Variants in PTPN11 observed in about 807,000 individuals in gnomAD.
PTPN11 encodes the protein protein tyrosine phosphatase non-receptor type 11, also known as tyrosine-protein phosphatase non-receptor type 11.
A neutral mutation model predicts 78.8 loss-of-function variants in PTPN11; 6 were observed. That is an observed-to-expected ratio of 0.08 (90% CI 0.04 to 0.15). PTPN11 has a LOEUF of 0.15. Among genes scored for constraint, PTPN11 ranks in the 10% least tolerant of loss-of-function variants. The pLI is 1.00. For synonymous variants in PTPN11, 221 were observed against 263.5 expected (o/e 0.84, Z 1.56); for missense variants, 386 against 744.8 (o/e 0.52, Z 5.61).
intron 13 of PTPN11, 129 bp downstream of exon 13, chr12:112,489,304 C>T (rs2135916993): frequency 1.8e-6 from 2 of 1,108,332 alleles, no homozygotes; most frequent in Non-Finnish European, 2.7e-6. Context: ...AACAAACTCC[C>T]AACTAAAAGG....
At chr12:112,426,352 A>G (rs990988153) in intron 1 of PTPN11, among the ~76,000 whole-genome samples, 2 of 151,622 alleles carry the variant, frequency 1.3e-5, no homozygotes, top group East Asian at 3.9e-4. Flanking sequence ...TGCCCCCTTG[A>G]TTCACGCGAT....
At chr12:112,446,428 A>G (rs1371230847) in intron 2 of PTPN11, 30 bp downstream of exon 2, 1 of 1,613,916 alleles carries the variant, frequency 6.2e-7, no homozygotes, top group Admixed American at 1.7e-5. Context: ...GAGGATCCTG[A>G]GAGTGTTTTC....
intron 6 of PTPN11, among the ~76,000 whole-genome samples, chr12:112,470,197 G>A (rs2038393661): frequency 6.6e-6 from 1 of 152,200 alleles, no homozygotes; most frequent in Admixed American, 6.5e-5. Context: ...GGTAGGACCT[G>A]GGGCTGGGAT....
chr12:112,452,312 C>T (rs555630072), intron 3 of PTPN11, among the ~76,000 whole-genome samples: 53 of 152,088 alleles, frequency 3.5e-4, no homozygotes, highest in South Asian at 1.5e-3. Flanking sequence ...CTGCAACCTC[C>T]GCCTCCCAGG....
intron 1 of PTPN11, among the ~76,000 whole-genome samples, chr12:112,425,127 T>G (rs2037596565): frequency 6.6e-6 from 1 of 151,914 alleles, no homozygotes; most frequent in Admixed American, 6.6e-5. Context: ...TGCTGGAGAT[T>G]ACAGACGTGA....
intron 1 of PTPN11, among the ~76,000 whole-genome samples, chr12:112,426,928 C>T (rs994181735): frequency 6.6e-6 from 1 of 152,160 alleles, no homozygotes; most frequent in Non-Finnish European, 1.5e-5. Context: ...TGAGCCACTG[C>T]ACCTGGCCAG....
chr12:112,444,830 T>C (rs1055629041), intron 1 of PTPN11, among the ~76,000 whole-genome samples: 8 of 152,206 alleles, frequency 5.3e-5, no homozygotes, highest in Non-Finnish European at 8.8e-5. Flanking sequence ...TAGCTCCTTG[T>C]TGGAACTCTT....
Position 112,472,924 on chromosome 12 carries a change from T to A in PTPN11, c.757-20T>A. On this transcript the variant is annotated intron_variant, in intron 6 of 15. Transcript: ENST00000351677. ...GTGACTCTTTGACACGTAATAATAT[T>A]GACTTTTCTTTCTTTCCAGACACTA... is the stretch of plus-strand genomic sequence containing the variant. 1 of 1,566,524 alleles carries A rather than the reference T, an allele frequency of 6.4e-7. No homozygotes were observed. The highest frequency in any genetic ancestry group is 8.8e-7 in the Non-Finnish European group (1 of 1,137,170).
intron 6 of PTPN11, among the ~76,000 whole-genome samples, chr12:112,468,570 CG>C (rs2038365465): frequency 6.6e-6 from 1 of 152,134 alleles, no homozygotes; most frequent in South Asian, 2.1e-4. Flanking sequence ...GGGAAGGAGC[CG>C]GGGGAGAGAT....
intron 3 of PTPN11, among the ~76,000 whole-genome samples, chr12:112,452,641 C>T (rs2038095339): frequency 6.6e-6 from 1 of 152,166 alleles, no homozygotes; most frequent in African/African-American, 2.4e-5. Flanking sequence ...GATCCTCCTG[C>T]CTCGGCCTTG....
At chr12:112,455,557 G>GCAA (rs1271478042) in intron 5 of PTPN11, among the ~76,000 whole-genome samples, 1 of 152,080 alleles carries the variant, frequency 6.6e-6, no homozygotes, top group African/African-American at 2.4e-5. Context: ...GAGTTTTAAA[G>GCAA]CAAGTTTTCA....
intron 1 of PTPN11, among the ~76,000 whole-genome samples, chr12:112,428,049 C>A (rs2037650439): frequency 6.6e-6 from 1 of 152,172 alleles, no homozygotes; most frequent in Admixed American, 6.5e-5. Context: ...CTGTGCCTAG[C>A]CCATCAGTGT....
chr12:112,450,701 A>G (rs765806729), intron 3 of PTPN11, among the ~76,000 whole-genome samples, 189 bp downstream of exon 3: 11 of 152,196 alleles, frequency 7.2e-5, no homozygotes, highest in Non-Finnish European at 1.2e-4. Flanking sequence ...TTTTTCCTGC[A>G]AAAGTTTTAA....
At chr12:112,442,872 ATAT>A (rs2037926788) in intron 1 of PTPN11, among the ~76,000 whole-genome samples, 1 of 80,606 alleles carries the variant, frequency 1.2e-5, no homozygotes, top group African/African-American at 6.1e-5. Context: ...ATATATATAT[ATAT>A]ATAAATTATA....
intron 1 of PTPN11, among the ~76,000 whole-genome samples, chr12:112,439,885 A>G (rs186189475): frequency 1.1e-4 from 17 of 151,594 alleles, no homozygotes; most frequent in African/African-American, 3.4e-4. Context: ...TAGTTTTTCC[A>G]TTTTTTTCCT....
At chr12:112,436,977 CAATTG>C (rs1193869390) in intron 1 of PTPN11, among the ~76,000 whole-genome samples, 1 of 151,670 alleles carries the variant, frequency 6.6e-6, no homozygotes. Flanking sequence ...TCTTAAAAAG[CAATTG>C]AATTGTTGAT....
rs1217281783 is a variant in PTPN11 at position 112,507,409 on chromosome 12, G to T, written c.*1617G>T. 1 of 152,584 alleles carries T rather than the reference G, an allele frequency of 6.6e-6. No homozygotes were observed. Among genetic ancestry groups the T allele is most frequent in the Non-Finnish European group, 1.5e-5 (1 of 68,120 alleles). The allele number at this position is 152,584 out of a possible 1,614,324, so 9.5% of individuals were successfully genotyped here. A position where few individuals can be genotyped will look rare whatever the true frequency, so the allele number is the denominator to read the frequency against. The stretch of plus-strand genomic sequence containing the variant: ...TGGGGCATCCCCAGACTTGGGAAAC[G>T]TGACTCTTTCTTAATGCCACTGGGT... On this transcript the variant is annotated 3_prime_UTR_variant, in exon 16 of 16. Coordinates refer to ENST00000351677, the MANE Select transcript of PTPN11 (RefSeq NM_002834.5).
intron 14 of PTPN11, among the ~76,000 whole-genome samples, chr12:112,503,081 C>T (rs1394252468): frequency 6.6e-6 from 1 of 152,182 alleles, no homozygotes; most frequent in East Asian, 1.9e-4. Context: ...TGGCCTGTTA[C>T]TGTATGGCCT....
intron 1 of PTPN11, among the ~76,000 whole-genome samples, chr12:112,419,804 G>C (rs561546071): frequency 6.6e-6 from 1 of 152,310 alleles, no homozygotes; most frequent in African/African-American, 2.4e-5. Context: ...TTAACAGTCA[G>C]GTCACTTTAC....
Sources: allele counts gnomAD v4.1 joint callset (sites outside exome capture counted in the v4.1 genomes callset), GRCh38; gene constraint gnomAD v4.1.1; transcripts MANE v1.5; gene names NCBI Gene and HGNC (gene_info 2026-07-23, HGNC 2026-07-21).